The following MPDZ variants were observed in gnomAD, a reference collection of about 807,000 sequenced individuals.
MPDZ encodes multiple PDZ domain protein.
MPDZ carries 234 observed loss-of-function variants against 239.1 expected under a neutral mutation model. The observed-to-expected ratio is 0.98, with a 90% CI of 0.88 to 1.09. The LOEUF is 1.09. Ranked by LOEUF, MPDZ falls within the 50% of genes least tolerant of loss-of-function variation. The pLI is 0.00. For missense variants in MPDZ, 3,175 were observed against 2,510.0 expected (o/e 1.26, Z -5.66); for synonymous variants, 1,048 against 881.3 (o/e 1.19, Z -3.35).
At chr9:13,164,556 G>C (rs1044148560) in intron 22 of MPDZ, among the ~76,000 whole-genome samples, 1 of 152,088 alleles carries the variant, frequency 6.6e-6, no homozygotes, top group African/African-American at 2.4e-5. Context: ...AAAAATAATA[G>C]CAATCAGTAC....
intron 3 of MPDZ, among the ~76,000 whole-genome samples, chr9:13,236,042 G>T (rs573306430): frequency 8.6e-5 from 13 of 151,326 alleles, no homozygotes; most frequent in Middle Eastern, 6.9e-3. Flanking sequence ...GATGAATGAG[G>T]AGTTAACAGA....
intron 24 of MPDZ, among the ~76,000 whole-genome samples, chr9:13,154,218 A>G (rs1012795125): frequency 6.6e-6 from 1 of 152,180 alleles, no homozygotes; most frequent in Non-Finnish European, 1.5e-5. Flanking sequence ...ATGACACAGT[A>G]ATGAGAAACC....
intron 3 of MPDZ, among the ~76,000 whole-genome samples, chr9:13,227,762 T>C (rs963035389): frequency 2.0e-5 from 3 of 152,160 alleles, no homozygotes; most frequent in Non-Finnish European, 2.9e-5. Context: ...TGTTAAAGGT[T>C]TGAGGAAGGT....
rs1197401630 is a variant in MPDZ, at chr9:13,193,281, A to G, written c.1689T>C (p.Ser563=). 1 of 1,611,322 alleles carries G rather than the reference A, an allele frequency of 6.2e-7. No individual in the cohort carries two copies. The highest frequency in any genetic ancestry group is 8.5e-7 in the Non-Finnish European group (1 of 1,178,354). The change falls in exon 14 of 47, where the codon AGT becomes AGC. Residue 563 remains serine, a synonymous_variant. Coordinates refer to ENST00000319217, the MANE Select transcript of MPDZ (RefSeq NM_001378778.1). ...VAHVSKFSEN[S]GLGISLEATV... ...TCGCTTCCAGGCTTATCCCCAATCC[A>G]CTGTTCTCACTAAACTTGCTCACAT...
rs1959181357 is a variant in MPDZ, at chr9:13,222,399, T to C, written c.581A>G (p.Gln194Arg). 6 of 1,612,676 alleles carry C rather than the reference T, an allele frequency of 3.7e-6. No individual in the cohort carries two copies. Among genetic ancestry groups the C allele is most frequent in the Non-Finnish European group, 5.1e-6 (6 of 1,179,220 alleles). ...ATGTGTAATTGTCTGATCAAGAGCC[T>C]GTCCATTGATAGCAAGAATTTGATC... ...ETDQILAING[Q>R]ALDQTITHQQ... The change falls in exon 6 of 47, where the codon CAG becomes CGG. Residue 194 changes from glutamine to arginine, a missense_variant. Coordinates refer to ENST00000319217, the MANE Select transcript of MPDZ (RefSeq NM_001378778.1).
At chr9:13,143,346 T>C (rs1947976618) in intron 27 of MPDZ, 120 bp downstream of exon 27, 1 of 743,518 alleles carries the variant, frequency 1.3e-6, no homozygotes, top group Admixed American at 2.6e-5. Context: ...CTTTGTTTTT[T>C]TGTTTTTTTT....
At chr9:13,279,036 G>C (rs150666957) in intron 1 of MPDZ, 1 of 152,298 alleles carries the variant, frequency 6.6e-6, no homozygotes, top group African/African-American at 2.4e-5. Flanking sequence ...AAACCTCTTA[G>C]TCAGCGAGAG....
chr9:13,243,051 C>T (rs1307494583), intron 3 of MPDZ, among the ~76,000 whole-genome samples: 2 of 152,120 alleles, frequency 1.3e-5, no homozygotes, highest in South Asian at 2.1e-4. Context: ...CCCACCTCTG[C>T]AGAACTCATT....
intron 16 of MPDZ, 79 bp from the exon 17 acceptor site, chr9:13,189,072 C>T (rs556997511): frequency 1.2e-4 from 149 of 1,216,228 alleles, no homozygotes; most frequent in South Asian, 6.5e-4. Flanking sequence ...TAAATCGTAA[C>T]GAATGAGTAA....
chr9:13,168,303 G>A, intron 22 of MPDZ, 63 bp downstream of exon 22: 1 of 1,470,884 alleles, frequency 6.8e-7, no homozygotes. Flanking sequence ...TACTGAAAAA[G>A]AATTCTGATT....
chr9:13,121,408 C>T (rs896059238), intron 38 of MPDZ, among the ~76,000 whole-genome samples: 3 of 152,122 alleles, frequency 2.0e-5, no homozygotes, highest in Non-Finnish European at 4.4e-5. Flanking sequence ...ATATTTAATT[C>T]GACGTTCACC....
At chr9:13,278,382 C>A (rs1269811498) in intron 1 of MPDZ, among the ~76,000 whole-genome samples, 2 of 152,174 alleles carry the variant, frequency 1.3e-5, no homozygotes, top group Non-Finnish European at 2.9e-5. Context: ...GGCCCCCACT[C>A]GCCCCCAGTG....
Position 13,115,266 on chromosome 9 carries a change from C to T in MPDZ, c.5448G>A (p.Arg1816=). 6.2e-7 allele frequency: 1 copy of T among 1,612,628 alleles called. No homozygotes were observed. Among genetic ancestry groups the T allele is most frequent in the Non-Finnish European group, 8.5e-7 (1 of 1,179,806 alleles). The part of the protein sequence containing the change: ...IKAGPFHSER[R]PSQSSQVSEG... Reference sequence around the variant, plus strand: ...TACCCACCTGGCTGCTTTGAGATGGCCTCCTCTCTGAATGGAATGGACCAG... The same window carrying T: ...TACCCACCTGGCTGCTTTGAGATGGTCTCCTCTCTGAATGGAATGGACCAG... Residue 1816 remains arginine (R), a synonymous_variant, in exon 40 of 47, where the codon AGG becomes AGA. Transcript: ENST00000319217.
chr9:13,121,702 T>G (rs1255233230), intron 38 of MPDZ, 37 bp downstream of exon 38: 6 of 1,605,354 alleles, frequency 3.7e-6, no homozygotes, highest in Non-Finnish European at 5.1e-6. Flanking sequence ...TCCCATCATT[T>G]CCAAGGGAGC....
chr9:13,217,665 T>C (rs1958523100), intron 8 of MPDZ, among the ~76,000 whole-genome samples: 1 of 151,922 alleles, frequency 6.6e-6, no homozygotes, highest in African/African-American at 2.4e-5. Flanking sequence ...ACTAATGTTA[T>C]GAATTCAGAT....
Position 13,126,545 on chromosome 9 carries a change from C to T in MPDZ, c.4603G>A (p.Glu1535Lys). ...VGDQILAVDD[E>K]IVVGYPIEKF... ...TCAATAGGGTAACCAACAACAATTT[C>T]ATCATCTACAGCCAGTATCTGATCT... Residue 1535 changes from glutamate (E) to lysine (K), a missense_variant, in exon 34 of 47, where the codon GAA becomes AAA. Transcript: ENST00000319217. 1 of 1,577,174 alleles carries T rather than the reference C, an allele frequency of 6.3e-7. No homozygotes were observed. The highest frequency in any genetic ancestry group is 1.2e-5 in the South Asian group (1 of 86,660).
At chr9:13,225,093 G>A (rs1038953794) in intron 3 of MPDZ, among the ~76,000 whole-genome samples, 1 of 151,866 alleles carries the variant, frequency 6.6e-6, no homozygotes, top group African/African-American at 2.4e-5. Flanking sequence ...AAAAAATGCT[G>A]AACACCAAGA....
chr9:13,123,360 C>T (rs1944653687), intron 35 of MPDZ, 62 bp from the exon 36 acceptor site: 8 of 1,429,488 alleles, frequency 5.6e-6, no homozygotes, highest in South Asian at 1.2e-5. Context: ...ATCCATCAAA[C>T]TCATCACACA....
intron 21 of MPDZ, among the ~76,000 whole-genome samples, chr9:13,175,425 T>A (rs2134157150): frequency 1.3e-5 from 2 of 152,312 alleles, no homozygotes; most frequent in South Asian, 4.1e-4. Context: ...GAATTTAGAA[T>A]TCCAAATTGC....
Sources: gnomAD v4.1 joint callset for allele counts (sites outside exome capture counted in the v4.1 genomes callset) on GRCh38, gnomAD v4.1.1 for gene constraint, MANE v1.5 for transcripts, NCBI Gene and HGNC (gene_info 2026-07-23, HGNC 2026-07-21) for gene names.